Variants in CACNA1I observed in about 807,000 individuals in gnomAD.
CACNA1I encodes calcium voltage-gated channel subunit alpha1 I, also known as voltage-dependent T-type calcium channel subunit alpha-1I.
Under a neutral mutation model 201.6 loss-of-function variants are expected in CACNA1I, and 74 were observed. The ratio of observed to expected loss-of-function variants is 0.37; its 90% CI spans 0.30 to 0.45. The LOEUF is 0.45. Among genes scored for constraint, CACNA1I ranks in the 20% least tolerant of loss-of-function variants. The pLI is 1.00. For synonymous variants in CACNA1I, 1,431 were observed against 1,345.2 expected, an observed-to-expected ratio of 1.06 and a Z score of -1.40; for missense variants, 2,346 against 3,138.1, an observed-to-expected ratio of 0.75 and a Z score of 6.03.
intron 1 of CACNA1I, among the ~76,000 whole-genome samples, chr22:39,590,056 C>G (rs1279794279): frequency 6.6e-6 from 1 of 151,962 alleles, no homozygotes; most frequent in African/African-American, 2.4e-5. Context: ...GCCATGGTAA[C>G]CATGCAGGCC....
chr22:39,621,434 G>A (rs955391380), intron 4 of CACNA1I, among the ~76,000 whole-genome samples: 2 of 152,228 alleles, frequency 1.3e-5, no homozygotes, highest in Non-Finnish European at 2.9e-5. Context: ...CATCCTGAGC[G>A]CCCTGTGGGG....
chr22:39,685,698 G>T lies in CACNA1I; in HGVS notation c.6028-63G>T. On this transcript the variant is annotated intron_variant, in intron 36 of 36. Coordinates refer to ENST00000402142, the MANE Select transcript of CACNA1I (RefSeq NM_021096.4). This position sits in a 1 kb window ranked among gnomAD's most constrained non-coding sequence, Gnocchi z 5.0. ...GCTGCCTGCTGTGCGGGGGAGGGCG[G>T]CGTCCAGGTTGCTGGGGTGGGGGCC... is the stretch of plus-strand genomic sequence containing the variant. 7 of 1,324,596 alleles carry T rather than the reference G, an allele frequency of 5.3e-6. 1 individual carries two copies. In the East Asian group the frequency reaches 2.2e-4, roughly 41 times the overall value. The allele number at this position is 1,324,596 out of a possible 1,614,324, so 82.1% of individuals were successfully genotyped here. A position where few individuals can be genotyped will look rare whatever the true frequency, so the allele number is the denominator to read the frequency against.
At position 39,677,451 on chromosome 22, in the gene CACNA1I, G is replaced by C. The variant is rs1935547982; in HGVS notation, c.4933+32G>C. 1 of 1,455,070 alleles carries C rather than the reference G, an allele frequency of 6.9e-7. No individual in the cohort carries two copies. The highest frequency in any genetic ancestry group is 9.2e-7 in the Non-Finnish European group (1 of 1,083,134). 90.1% of individuals were successfully genotyped at this position (1,455,070 alleles called of 1,614,324 possible). ...GACTCCCAGAGCAGGCCCGTGGTGGGGGTGCAGCAGGGCTGCAGGAGGAAC... is the reference window on the plus strand; with the variant it reads ...GACTCCCAGAGCAGGCCCGTGGTGGCGGTGCAGCAGGGCTGCAGGAGGAAC... On this transcript the variant is annotated intron_variant, in intron 30 of 36. Coordinates refer to ENST00000402142, the MANE Select transcript of CACNA1I (RefSeq NM_021096.4). This position sits in a 1 kb window ranked among gnomAD's most constrained non-coding sequence, Gnocchi z 4.8.
At chr22:39,668,706 C>T (rs1378957300) in intron 24 of CACNA1I, among the ~76,000 whole-genome samples, 1 of 152,082 alleles carries the variant, frequency 6.6e-6, no homozygotes, top group Non-Finnish European at 1.5e-5. Flanking sequence ...GCTGAGCCAG[C>T]TGGTAGAGGA....
At chr22:39,638,875 A>T (rs1028819903) in intron 5 of CACNA1I, among the ~76,000 whole-genome samples, 1 of 152,088 alleles carries the variant, frequency 6.6e-6, no homozygotes, top group South Asian at 2.1e-4. Context: ...GGAGTGCACA[A>T]CCTAGATCTC....
intron 3 of CACNA1I, among the ~76,000 whole-genome samples, chr22:39,604,375 G>A (rs562086913): frequency 1.2e-3 from 189 of 152,294 alleles, no homozygotes; most frequent in African/African-American, 4.2e-3. Flanking sequence ...GGCGAGGTCT[G>A]CAGGCCAGCA....
chr22:39,681,686 G>A (rs980833623), intron 34 of CACNA1I, among the ~76,000 whole-genome samples: 3 of 151,762 alleles, frequency 2.0e-5, no homozygotes, highest in African/African-American at 7.3e-5. Context: ...TCAAGACCTG[G>A]GCTCCTGATC....
intron 10 of CACNA1I, 102 bp from the exon 11 acceptor site, chr22:39,658,050 C>T: frequency 3.1e-6 from 4 of 1,273,918 alleles, no homozygotes; most frequent in South Asian, 2.7e-5. Flanking sequence ...GGTGAGGACA[C>T]CGACCTGCCA....
intron 4 of CACNA1I, among the ~76,000 whole-genome samples, chr22:39,628,001 C>G (rs1428413055): frequency 6.6e-6 from 1 of 152,144 alleles, no homozygotes; most frequent in Non-Finnish European, 1.5e-5. Flanking sequence ...GATTTGGGAA[C>G]AGGAAAGAGC....
chr22:39,625,755 C>T (rs1933882616), intron 4 of CACNA1I, among the ~76,000 whole-genome samples: 1 of 152,020 alleles, frequency 6.6e-6, no homozygotes, highest in African/African-American at 2.4e-5. Context: ...TCTGGTTCCT[C>T]TCTGTGTGAC....
At chr22:39,606,156 A>C (rs1009008059) in intron 3 of CACNA1I, among the ~76,000 whole-genome samples, 3 of 151,792 alleles carry the variant, frequency 2.0e-5, no homozygotes, top group Admixed American at 6.6e-5. Flanking sequence ...ACGGGATCCC[A>C]CCCTCCCAAT....
intron 4 of CACNA1I, among the ~76,000 whole-genome samples, chr22:39,620,730 TTTG>T (rs35402152): frequency 4.7e-5 from 7 of 147,660 alleles, no homozygotes; most frequent in Non-Finnish European, 9.0e-5. Flanking sequence ...CTGGTTTTTT[TTTG>T]TTGTTGTTGT....
chr22:39,642,728 G>A (rs572041519), intron 6 of CACNA1I, 69 bp from the exon 7 acceptor site: 19 of 1,052,312 alleles, frequency 1.8e-5, no homozygotes, highest in Non-Finnish European at 2.6e-5. Flanking sequence ...CTCTGTCTGG[G>A]GCACTGCCTG....
intron 3 of CACNA1I, among the ~76,000 whole-genome samples, chr22:39,603,998 T>C (rs773280804): frequency 1.5e-4 from 23 of 152,228 alleles, no homozygotes; most frequent in Admixed American, 2.6e-4. Context: ...AACAAAGGTA[T>C]TTTCTCCCTG....
chr22:39,661,380 GGT>G lies in CACNA1I; in HGVS notation c.2901+71_2901+72del, dbSNP rs1935006788. ...TGTGTGTGGAGGGGCCCTGAAGAGAGGTACCTGCCAGTCTAGCCTCAGACTCT... is the reference window on the plus strand; with the variant it reads ...TGTGTGTGGAGGGGCCCTGAAGAGAGACCTGCCAGTCTAGCCTCAGACTCT... On this transcript the variant is annotated intron_variant, in intron 16 of 36. Coordinates refer to ENST00000402142, the MANE Select transcript of CACNA1I (RefSeq NM_021096.4). The G allele has an allele frequency of 4.2e-6, 5 of 1,195,384 alleles. No homozygotes were observed. In the Admixed American group the frequency reaches 1.5e-4, roughly 35 times the overall value. 74.0% of individuals were successfully genotyped at this position (1,195,384 alleles called of 1,614,324 possible). A position where few individuals can be genotyped will look rare whatever the true frequency, so the allele number is the denominator to read the frequency against.
At chr22:39,615,802 A>G (rs1933516496) in intron 3 of CACNA1I, among the ~76,000 whole-genome samples, 1 of 152,216 alleles carries the variant, frequency 6.6e-6, no homozygotes, top group Admixed American at 6.5e-5. Context: ...CAAATGGTTC[A>G]TGAAGTGGAG....
Position 39,640,988 on chromosome 22 carries a change from G to A in CACNA1I, c.862G>A (p.Glu288Lys). Residue 288 changes from glutamate (E) to lysine (K), a missense_variant, in exon 6 of 37, where the codon GAG (glutamate) becomes AAG (lysine). By Grantham distance (56) the Glu-to-Lys change is moderately conservative. Around this residue, in one of 13 missense-constraint regions of CACNA1I, gnomAD observed 227 missense variants for 412.5 expected, o/e 0.55. Coordinates refer to ENST00000402142, the MANE Select transcript of CACNA1I (RefSeq NM_021096.4). ...CTGCCATGAGATCCCCCCGCTCAAG[G>A]AGCAGGGCCGTGAGTGCTGCCTGTC... Reference protein sequence around the residue: ...MGCHEIPPLKEQGRECCLSKD... With the variant: ...MGCHEIPPLKKQGRECCLSKD... 1.2e-6 allele frequency: 2 copies of A among 1,614,062 alleles called. No homozygotes were observed. Among genetic ancestry groups the A allele is most frequent in the East Asian group, 2.2e-5 (1 of 44,884 alleles).
At chr22:39,580,303 G>C (rs1335826648) in intron 1 of CACNA1I, among the ~76,000 whole-genome samples, 1 of 152,186 alleles carries the variant, frequency 6.6e-6, no homozygotes, top group Non-Finnish European at 1.5e-5. Flanking sequence ...GTTTTTCTCA[G>C]AAATAAAAGT....
chr22:39,679,466 T>C, intron 32 of CACNA1I, 21 bp downstream of exon 32: 1 of 1,404,256 alleles, frequency 7.1e-7, no homozygotes, highest in Non-Finnish European at 9.2e-7. Flanking sequence ...GCTGGAGAGG[T>C]GTGAGGGTCG....
Sources: allele counts gnomAD v4.1 joint callset (sites outside exome capture counted in the v4.1 genomes callset), GRCh38; gene constraint gnomAD v4.1.1; regional missense constraint gnomAD v4.1.1; non-coding constraint Gnocchi (gnomAD v3.1); transcripts MANE v1.5; gene names NCBI Gene and HGNC (gene_info 2026-07-23, HGNC 2026-07-21).